The following ZNF236 variants were observed in gnomAD, a reference collection of about 807,000 sequenced individuals.
ZNF236 encodes the protein zinc finger protein 236.
In ZNF236, 50 loss-of-function variants were observed where a neutral mutation model predicts 191.2. The observed-to-expected ratio is 0.26, with a 90% CI of 0.21 to 0.33. The LOEUF (loss-of-function observed/expected upper bound fraction) is 0.33, where lower values mean the gene tolerates loss of function less well. Among genes scored for constraint, ZNF236 ranks in the 10% least tolerant of loss-of-function variants. The pLI is 1.00. For synonymous variants in ZNF236, 907 were observed against 928.8 expected (o/e 0.98, Z 0.43); for missense variants, 1,754 against 2,374.5 (o/e 0.74, Z 5.43).
chr18:76,877,484 G>A (rs978608590), intron 6 of ZNF236, among the ~76,000 whole-genome samples: 1 of 151,276 alleles, frequency 6.6e-6, no homozygotes, highest in African/African-American at 2.4e-5. Context: ...TCCAGCCTGG[G>A]CAACAGAGCA....
intron 25 of ZNF236, chr18:76,935,943 G>A (rs1230120415): frequency 2.2e-6 from 1 of 456,232 alleles, no homozygotes; most frequent in Non-Finnish European, 4.4e-6. Flanking sequence ...CAGCGCTCGA[G>A]CCTCCCAGCC....
At chr18:76,824,652 G>A (rs905852915) in intron 1 of ZNF236, among the ~76,000 whole-genome samples, 9 of 152,110 alleles carry the variant, frequency 5.9e-5, no homozygotes, top group African/African-American at 1.7e-4. Flanking sequence ...GGCCACAGGC[G>A]GGGCACCCAT....
chr18:76,837,394 G>A (rs1254698002), intron 1 of ZNF236, among the ~76,000 whole-genome samples: 2 of 149,394 alleles, frequency 1.3e-5, no homozygotes, highest in Non-Finnish European at 3.0e-5. Flanking sequence ...TTTGTATATG[G>A]TATGAAGTGA....
intron 11 of ZNF236, among the ~76,000 whole-genome samples, chr18:76,902,517 T>C (rs1224668036): frequency 6.6e-6 from 1 of 152,132 alleles, no homozygotes; most frequent in African/African-American, 2.4e-5. Context: ...TCTGCATGTC[T>C]CAGCATGTGT....
intron 2 of ZNF236, 96 bp downstream of exon 2, chr18:76,849,764 C>G (rs1975802810): frequency 8.6e-7 from 1 of 1,168,626 alleles, no homozygotes; most frequent in Non-Finnish European, 1.1e-6. Flanking sequence ...AATTTAGGTT[C>G]CTAAATAGTA....
intron 26 of ZNF236, among the ~76,000 whole-genome samples, chr18:76,939,959 C>A (rs1262040433): frequency 7.1e-6 from 1 of 141,652 alleles, no homozygotes; most frequent in Non-Finnish European, 1.5e-5. Context: ...ACATGGTGGG[C>A]CACCCTAGCA....
In ZNF236 at chr18:76,852,988, C is replaced by T. The variant is rs76717967; in HGVS notation, c.363+1049C>T. Among the ~76,000 whole-genome samples the T allele has an allele frequency of 4.1e-3, 629 of 152,310 alleles. 7 individuals carry two copies. Among genetic ancestry groups the T allele is most frequent in the African/African-American group, 0.014 (597 of 41,578 alleles). ...CTTTTGGCTTGTGATATTTCCAATT[C>T]ACCATGGGTTTATCAGGATGTAATC... On this transcript the variant is annotated intron_variant, in intron 3 of 30. Coordinates refer to ENST00000320610, the MANE Select transcript of ZNF236 (RefSeq NM_001306089.2).
chr18:76,831,410 T>C (rs1282401648), intron 1 of ZNF236, among the ~76,000 whole-genome samples: 1 of 152,232 alleles, frequency 6.6e-6, no homozygotes, highest in Admixed American at 6.5e-5. Flanking sequence ...TTCTACTGTA[T>C]GGATGTATCA....
Position 76,894,906 on chromosome 18 carries a change from C to T in ZNF236, c.1418-107C>T. The T allele has an allele frequency of 8.9e-6, 13 of 1,458,680 alleles. No homozygotes were observed. In the South Asian group the frequency reaches 1.0e-4, roughly 11 times the overall value. The allele number at this position is 1,458,680 out of a possible 1,614,324, so 90.4% of individuals were successfully genotyped here. On this transcript the variant is annotated intron_variant, in intron 9 of 30. Transcript: ENST00000320610. ...GTGATCCTGGGAATTCCAAGCTTTC[C>T]CATAACTGATCATGCGTGCAGCTTT...
rs144257738 is a variant in ZNF236 at position 76,938,883 on chromosome 18, C to T, written c.4782+1540C>T. Among the ~76,000 whole-genome samples the T allele has an allele frequency of 4.6e-5, 7 of 152,364 alleles. No individual in the cohort carries two copies. In the East Asian group the frequency reaches 1.4e-3, roughly 29 times the overall value. ...GCTGGGAAGCATAGCTTGCATCTCACTCAGAGGCATTCCTCCTGAGCTGTG... is the reference window on the plus strand; with the variant it reads ...GCTGGGAAGCATAGCTTGCATCTCATTCAGAGGCATTCCTCCTGAGCTGTG... On this transcript the variant is annotated intron_variant, in intron 26 of 30. Coordinates refer to ENST00000320610, the MANE Select transcript of ZNF236 (RefSeq NM_001306089.2).
chr18:76,948,587 C>T (rs187421820), intron 27 of ZNF236, among the ~76,000 whole-genome samples: 9 of 152,278 alleles, frequency 5.9e-5, no homozygotes, highest in African/African-American at 1.2e-4. Flanking sequence ...GGAAAAGGCA[C>T]GTGGGGTGGA....
Position 76,880,261 on chromosome 18 carries a change from C to T in ZNF236, c.1133C>T (p.Pro378Leu), listed in dbSNP as rs200262231. ...GCGCCGGTGGAGTCGGGGCAGTCCC[C>T]GCAGCCTGGGCAGCAGCTGAGCATC... ...EPAPVESGQS[P>L]QPGQQLSITV... Residue 378 changes from proline to leucine, a missense_variant, in exon 8 of 31, where the codon CCG becomes CTG. By Grantham distance (98) the Pro-to-Leu change is moderately conservative (BLOSUM62 -3). This residue lies in a region of ZNF236 where 336 missense variants were observed against 495.1 expected (regional missense o/e 0.68). Transcript: ENST00000320610. This position sits in a 1 kb window ranked among gnomAD's most constrained non-coding sequence, Gnocchi z 5.0. 3.2e-5 allele frequency: 51 copies of T among 1,613,998 alleles called. 1 individual carries two copies. The highest frequency in any genetic ancestry group is 2.9e-4 in the East Asian group (13 of 44,860).
At chr18:76,940,741 C>T (rs1968116686) in intron 26 of ZNF236, among the ~76,000 whole-genome samples, 1 of 152,174 alleles carries the variant, frequency 6.6e-6, no homozygotes. Context: ...TTTTTAAAGT[C>T]TGCAAATATT....
intron 30 of ZNF236, among the ~76,000 whole-genome samples, chr18:76,964,546 A>C (rs571605309): frequency 6.6e-6 from 1 of 152,274 alleles, no homozygotes; most frequent in South Asian, 2.1e-4. Context: ...CAGTTGTTGG[A>C]TGGAATGTTA....
chr18:76,922,513 C>T (rs190285557), intron 20 of ZNF236, among the ~76,000 whole-genome samples: 3 of 151,520 alleles, frequency 2.0e-5, no homozygotes, highest in Non-Finnish European at 2.9e-5. Flanking sequence ...TTGGGTTTTC[C>T]TGCTGATTTG....
At chr18:76,840,216 CGGGTGCGGTG>C (rs1975440259) in intron 1 of ZNF236, among the ~76,000 whole-genome samples, 1 of 152,152 alleles carries the variant, frequency 6.6e-6, no homozygotes, top group African/African-American at 2.4e-5. Context: ...GGAGACCGGC[CGGGTGCGGTG>C]GCTCACGCCT....
chr18:76,886,740 A>G (rs1450735385), intron 9 of ZNF236: 2 of 153,792 alleles, frequency 1.3e-5, no homozygotes, highest in Non-Finnish European at 2.9e-5. Context: ...TAGGGTCTTC[A>G]TCATAAGTTC....
chr18:76,824,934 T>G (rs1330825474), intron 1 of ZNF236, among the ~76,000 whole-genome samples: 1 of 152,216 alleles, frequency 6.6e-6, no homozygotes, highest in Non-Finnish European at 1.5e-5. Flanking sequence ...ATCTGTCACT[T>G]GTCAGCGTGG....
intron 1 of ZNF236, among the ~76,000 whole-genome samples, chr18:76,832,115 T>C (rs1975186719): frequency 6.6e-6 from 1 of 152,254 alleles, no homozygotes; most frequent in African/African-American, 2.4e-5. Context: ...GGTCTCGCTC[T>C]GTCACCCAGG....
Sources: allele counts gnomAD v4.1 joint callset (sites outside exome capture counted in the v4.1 genomes callset), GRCh38; gene constraint gnomAD v4.1.1; regional missense constraint gnomAD v4.1.1; non-coding constraint Gnocchi (gnomAD v3.1); transcripts MANE v1.5; gene names NCBI Gene and HGNC (gene_info 2026-07-23, HGNC 2026-07-21).